EIF3H: variants seen among roughly 807,000 people sequenced by gnomAD.
EIF3H encodes eIF-3-gamma.
A neutral mutation model predicts 44.2 loss-of-function variants in EIF3H; 26 were observed. The ratio of observed to expected loss-of-function variants is 0.59; its 90% CI spans 0.43 to 0.82. EIF3H has a LOEUF of 0.82. Among genes scored for constraint, EIF3H ranks in the 40% least tolerant of loss-of-function variants. EIF3H has a pLI of 0.00. For missense variants in EIF3H, 359 were observed against 432.8 expected (o/e 0.83, Z 1.51); for synonymous variants, 166 against 151.9 (o/e 1.09, Z -0.68).
chr8:116,670,757 A>T (rs1006034128), intron 2 of EIF3H, among the ~76,000 whole-genome samples: 1 of 152,228 alleles, frequency 6.6e-6, no homozygotes, highest in East Asian at 1.9e-4. Flanking sequence ...TACCTTAGAT[A>T]TAAATAGCTC....
intron 5 of EIF3H, among the ~76,000 whole-genome samples, chr8:116,651,418 T>C (rs998606737): frequency 6.6e-6 from 1 of 152,186 alleles, no homozygotes; most frequent in African/African-American, 2.4e-5. Context: ...ATATTGAGAA[T>C]GAATAAAAAT....
intron 1 of EIF3H, among the ~76,000 whole-genome samples, chr8:116,752,966 C>A (rs916655207): frequency 3.3e-5 from 5 of 152,004 alleles, no homozygotes; most frequent in Admixed American, 2.0e-4. Context: ...ATGGATGATT[C>A]TTGGTTACTC....
chr8:116,713,537 T>C (rs1032411398), intron 2 of EIF3H, among the ~76,000 whole-genome samples: 1 of 152,112 alleles, frequency 6.6e-6, no homozygotes, highest in Non-Finnish European at 1.5e-5. Flanking sequence ...GTTCCTACTA[T>C]TGTATTTAAA....
At chr8:116,750,504 G>A (rs1218149040) in intron 1 of EIF3H, among the ~76,000 whole-genome samples, 2 of 148,584 alleles carry the variant, frequency 1.3e-5, no homozygotes, top group Non-Finnish European at 3.0e-5. Context: ...CCGCCTCCCC[G>A]GTTCATGCCA....
At chr8:116,647,778 G>C (rs535455237) in intron 6 of EIF3H, among the ~76,000 whole-genome samples, 5 of 151,968 alleles carry the variant, frequency 3.3e-5, no homozygotes, top group Non-Finnish European at 7.4e-5. Flanking sequence ...TTCATTATGG[G>C]GTACTCATAG....
chr8:116,707,706 GT>G (rs929766330), intron 2 of EIF3H, among the ~76,000 whole-genome samples: 32 of 151,966 alleles, frequency 2.1e-4, no homozygotes, highest in African/African-American at 7.5e-4. Context: ...CTCATTATCT[GT>G]TTTCCCCACC....
In EIF3H at chr8:116,743,980, G is replaced by C. The variant is rs930386324; in HGVS notation, c.132+11686C>G. 2.6e-5 allele frequency among the ~76,000 whole-genome samples: 4 copies of C among 151,790 alleles called. 1 individual carries two copies. The South Asian group carries it at 8.3e-4, about 31-fold the overall frequency. On this transcript the variant is annotated intron_variant, in intron 1 of 7. Transcript: ENST00000521861. ...ACTGTCCAAGTACAAAATAAAGTCT[G>C]TAAGACCAGTTATACAGGCTTTGGT...
upstream of EIF3H, chr8:116,755,965 G>A (rs982608792): frequency 1.3e-6 from 2 of 1,536,118 alleles, no homozygotes; most frequent in African/African-American, 1.4e-5. Flanking sequence ...CTTTCCAGGC[G>A]GTATCCTTTG....
chr8:116,721,569 C>T (rs1041066422), intron 2 of EIF3H, among the ~76,000 whole-genome samples: 3 of 152,206 alleles, frequency 2.0e-5, no homozygotes, highest in Non-Finnish European at 4.4e-5. Context: ...CCTGGAAAAG[C>T]CGCAGACACT....
At chr8:116,679,175 T>C in intron 2 of EIF3H, among the ~76,000 whole-genome samples, 3 of 63,658 alleles carry the variant, frequency 4.7e-5, no homozygotes, top group Non-Finnish European at 7.3e-5. Context: ...GTGGTGGGGG[T>C]CAGCCCCCCG....
chr8:116,745,049 T>C (rs1029644709), intron 1 of EIF3H, among the ~76,000 whole-genome samples: 1 of 152,188 alleles, frequency 6.6e-6, no homozygotes, highest in Non-Finnish European at 1.5e-5. Flanking sequence ...AAATTTATCA[T>C]ATACAGAAAC....
At chr8:116,739,420 G>A (rs1171868979) in intron 1 of EIF3H, among the ~76,000 whole-genome samples, 1 of 152,224 alleles carries the variant, frequency 6.6e-6, no homozygotes, top group Non-Finnish European at 1.5e-5. Context: ...GGAGGCCGCG[G>A]CGGGCAGATC....
intron 2 of EIF3H, among the ~76,000 whole-genome samples, chr8:116,702,908 G>A (rs1814403279): frequency 6.6e-6 from 1 of 152,040 alleles, no homozygotes; most frequent in African/African-American, 2.4e-5. Flanking sequence ...CAGTGATCTT[G>A]GAATAAAACT....
At chr8:116,714,783 A>G (rs1386167545) in intron 2 of EIF3H, among the ~76,000 whole-genome samples, 1 of 152,050 alleles carries the variant, frequency 6.6e-6, no homozygotes, top group Non-Finnish European at 1.5e-5. Flanking sequence ...TCATACAGAT[A>G]GGGGGTAAGA....
At chr8:116,754,402 C>G (rs919783553) in intron 1 of EIF3H, among the ~76,000 whole-genome samples, 8 of 152,180 alleles carry the variant, frequency 5.3e-5, no homozygotes, top group Admixed American at 1.3e-4. Context: ...TGAGCCACCA[C>G]GCCCGGCCTG....
At chr8:116,754,741 G>C (rs1786225883) in intron 1 of EIF3H, among the ~76,000 whole-genome samples, 1 of 152,224 alleles carries the variant, frequency 6.6e-6, no homozygotes, top group Non-Finnish European at 1.5e-5. Flanking sequence ...CTACACTCTT[G>C]TATCCAGTTT....
chr8:116,743,832 A>T (rs1185478085), intron 1 of EIF3H, among the ~76,000 whole-genome samples: 1 of 144,132 alleles, frequency 6.9e-6, no homozygotes, highest in Non-Finnish European at 1.5e-5. Flanking sequence ...ACACACACAC[A>T]CACACATATA....
At chr8:116,752,889 GT>G (rs1200863754) in intron 1 of EIF3H, among the ~76,000 whole-genome samples, 1 of 151,558 alleles carries the variant, frequency 6.6e-6, no homozygotes, top group South Asian at 2.1e-4. Flanking sequence ...TAAGGAAGGA[GT>G]TTTTTTTAAA....
intron 1 of EIF3H, among the ~76,000 whole-genome samples, chr8:116,739,181 C>A (rs1425639964): frequency 1.3e-5 from 2 of 152,244 alleles, no homozygotes; most frequent in African/African-American, 4.8e-5. Flanking sequence ...GCGATCCGTG[C>A]CTTAAGGACA....
Sources: allele counts gnomAD v4.1 joint callset (sites outside exome capture counted in the v4.1 genomes callset), GRCh38; gene constraint gnomAD v4.1.1; transcripts MANE v1.5; gene names NCBI Gene and HGNC (gene_info 2026-07-23, HGNC 2026-07-21).